Variants in FIRRM observed in about 807,000 individuals in gnomAD.
The protein encoded by FIRRM is FIGNL1 interacting regulator of recombination and mitosis, also known as FIGNL1-interacting regulator of recombination and mitosis.
chr1:169,785,479 A>G, the FIRRM span, among the ~76,000 whole-genome samples: 7 of 152,246 alleles, frequency 4.6e-5, no homozygotes, highest in Admixed American at 3.9e-4. Flanking sequence ...GGTGGCTCTC[A>G]GTGGGATGGA....
chr1:169,828,672 C>T, the FIRRM span, among the ~76,000 whole-genome samples: 1 of 152,124 alleles, frequency 6.6e-6, no homozygotes, highest in African/African-American at 2.4e-5. Flanking sequence ...CCTTAGCCTC[C>T]TAAATAACTG....
chr1:169,808,265 T>G, the FIRRM span, among the ~76,000 whole-genome samples: 1 of 152,182 alleles, frequency 6.6e-6, no homozygotes, highest in Admixed American at 6.5e-5. Flanking sequence ...AGATCTGATA[T>G]AGCTGCAATC....
At chr1:169,832,606 C>T in the FIRRM span, 3 of 895,258 alleles carry the variant, frequency 3.4e-6, no homozygotes, top group Non-Finnish European at 5.3e-6. Flanking sequence ...AAAAATTTAT[C>T]TTATTATTTT....
chr1:169,798,685 C>G, the FIRRM span, among the ~76,000 whole-genome samples: 10 of 152,294 alleles, frequency 6.6e-5, no homozygotes, highest in African/African-American at 2.4e-4. Flanking sequence ...TTTGAAAAGG[C>G]AAGTTTGTCC....
At chr1:169,795,389 A>G in the FIRRM span, 8 of 1,411,320 alleles carry the variant, frequency 5.7e-6, no homozygotes, top group Non-Finnish European at 6.5e-6. Context: ...GGAAGCGACA[A>G]CCGTGGTAGA....
the FIRRM span, among the ~76,000 whole-genome samples, chr1:169,831,771 T>C: frequency 6.6e-6 from 1 of 152,212 alleles, no homozygotes; most frequent in South Asian, 2.1e-4. Context: ...GTTTTTTTCT[T>C]AGAGACAGGG....
the FIRRM span, among the ~76,000 whole-genome samples, chr1:169,786,446 G>T: frequency 6.6e-6 from 1 of 152,150 alleles, no homozygotes; most frequent in African/African-American, 2.4e-5. Flanking sequence ...CGCAAAGAGG[G>T]TGGAATAGCA....
the FIRRM span, chr1:169,804,243 G>A: frequency 6.8e-7 from 1 of 1,478,596 alleles, no homozygotes; most frequent in Non-Finnish European, 9.0e-7. Flanking sequence ...GGTAATAGGT[G>A]AGTGAAGAAA....
chr1:169,795,330 C>T, the FIRRM span: 2 of 1,410,554 alleles, frequency 1.4e-6, no homozygotes, highest in South Asian at 1.4e-5. Context: ...CGGCCTGAAC[C>T]CCCTCTTTTC....
At chr1:169,798,958 C>A in the FIRRM span, 1 of 1,265,500 alleles carries the variant, frequency 7.9e-7, no homozygotes, top group Non-Finnish European at 1.1e-6. Flanking sequence ...TGAGCATATT[C>A]GTAAGTAAAA....
At chr1:169,834,437 A>C in the FIRRM span, among the ~76,000 whole-genome samples, 10 of 152,106 alleles carry the variant, frequency 6.6e-5, no homozygotes, top group African/African-American at 2.2e-4. Flanking sequence ...TGAAAAGACC[A>C]TTTAACAAAT....
the FIRRM span, chr1:169,850,079 T>C: frequency 2.7e-5 from 16 of 582,332 alleles, no homozygotes; most frequent in South Asian, 4.3e-5. Flanking sequence ...ACAACACTTG[T>C]ACAGAAGTTA....
the FIRRM span, among the ~76,000 whole-genome samples, chr1:169,837,724 A>G: frequency 6.6e-6 from 1 of 152,210 alleles, no homozygotes; most frequent in Non-Finnish European, 1.5e-5. Context: ...TTCTACTCTC[A>G]TAGACTCACA....
At chr1:169,790,464 G>A in the FIRRM span, among the ~76,000 whole-genome samples, 1 of 152,112 alleles carries the variant, frequency 6.6e-6, no homozygotes, top group Non-Finnish European at 1.5e-5. Flanking sequence ...GGGATTACAG[G>A]TGTGAGCCAC....
the FIRRM span, among the ~76,000 whole-genome samples, chr1:169,787,388 A>C: frequency 7.9e-5 from 12 of 152,180 alleles, no homozygotes; most frequent in African/African-American, 2.2e-4. Flanking sequence ...TCAGTTTAGC[A>C]AGAATCCCCA....
the FIRRM span, among the ~76,000 whole-genome samples, chr1:169,800,407 G>C: frequency 8.6e-5 from 13 of 151,984 alleles, no homozygotes; most frequent in African/African-American, 3.1e-4. Context: ...GTTCATTGTG[G>C]AAAATATGAA....
chr1:169,830,238 A>T, the FIRRM span: 3 of 1,577,930 alleles, frequency 1.9e-6, no homozygotes, highest in Non-Finnish European at 1.7e-6. Context: ...TAAATAAATT[A>T]ATTTTTCTGT....
At chr1:169,821,340 TC>T in the FIRRM span, among the ~76,000 whole-genome samples, 1 of 152,174 alleles carries the variant, frequency 6.6e-6, no homozygotes, top group Admixed American at 6.5e-5. Flanking sequence ...CTTTTGACCA[TC>T]CGTTAAATTG....
the FIRRM span, among the ~76,000 whole-genome samples, chr1:169,808,703 C>T: frequency 6.7e-6 from 1 of 150,354 alleles, no homozygotes; most frequent in South Asian, 2.1e-4. Flanking sequence ...CTCACGGGTT[C>T]AAGGGATCGT....
Sources: allele counts gnomAD v4.1 joint callset (sites outside exome capture counted in the v4.1 genomes callset), GRCh38; gene constraint gnomAD v4.1.1; transcripts MANE v1.5; gene names NCBI Gene and HGNC (gene_info 2026-07-23, HGNC 2026-07-21).